The following NHLRC2 variants were observed in gnomAD, a reference collection of about 807,000 sequenced individuals.
NHLRC2 encodes NHL repeat containing 2.
NHLRC2 carries 33 observed loss-of-function variants against 68.1 expected under a neutral mutation model. The observed-to-expected ratio is 0.48, with a 90% CI of 0.37 to 0.65. NHLRC2 has a LOEUF of 0.65. Ranked by LOEUF, NHLRC2 falls within the 30% of genes least tolerant of loss-of-function variation. The pLI is 0.00. For missense variants in NHLRC2, 761 were observed against 853.8 expected (o/e 0.89, Z 1.35); for synonymous variants, 311 against 309.6 (o/e 1.00, Z -0.05).
chr10:113,899,305 G>A (rs1240674295), intron 6 of NHLRC2, among the ~76,000 whole-genome samples: 3 of 152,108 alleles, frequency 2.0e-5, no homozygotes, highest in South Asian at 4.2e-4. Flanking sequence ...GCCGTTAACC[G>A]GAAAGGCTGT....
Position 113,867,317 on chromosome 10 carries a change from TTGTC to T in NHLRC2, c.331+8639_331+8642del, listed in dbSNP as rs1386092644. ...CTTTATATTTTCTTTATTCAGTAGT[TTGTC>T]TATTTATTCTATGTTCTTAAATAAA... is the stretch of plus-strand genomic sequence containing the variant. On this transcript the variant is annotated intron_variant, in intron 2 of 10. Coordinates refer to ENST00000369301, the MANE Select transcript of NHLRC2 (RefSeq NM_198514.4). Among the ~76,000 whole-genome samples, 13 of 152,344 alleles carry T rather than the reference TTGTC, an allele frequency of 8.5e-5. 1 individual carries two copies. In the East Asian group the frequency reaches 2.5e-3, roughly 29 times the overall value.
intron 2 of NHLRC2, among the ~76,000 whole-genome samples, chr10:113,870,387 G>A (rs948570027): frequency 5.9e-5 from 9 of 151,994 alleles, no homozygotes; most frequent in Non-Finnish European, 8.8e-5. Flanking sequence ...AACAAAAGGT[G>A]ACATACTGTA....
intron 2 of NHLRC2, among the ~76,000 whole-genome samples, chr10:113,861,677 A>G (rs1315794097): frequency 2.0e-5 from 3 of 152,242 alleles, no homozygotes; most frequent in Admixed American, 6.5e-5. Flanking sequence ...TTGAAATGAA[A>G]GGACACTAGA....
chr10:113,857,466 A>C (rs953420461), intron 1 of NHLRC2, among the ~76,000 whole-genome samples: 44 of 151,886 alleles, frequency 2.9e-4, no homozygotes, highest in Non-Finnish European at 4.4e-5. Flanking sequence ...TTTTTTCTAG[A>C]ATTTTGTTAT....
At chr10:113,903,108 A>C (rs1846242385) in intron 8 of NHLRC2, among the ~76,000 whole-genome samples, 1 of 152,252 alleles carries the variant, frequency 6.6e-6, no homozygotes. Context: ...AATATAATTG[A>C]GACATAACTG....
At chr10:113,855,121 G>T (rs560954420) in intron 1 of NHLRC2, 71 bp downstream of exon 1, 10 of 1,356,230 alleles carry the variant, frequency 7.4e-6, no homozygotes, top group African/African-American at 7.3e-5. Flanking sequence ...GCCCTCCCGC[G>T]AAGCGGTGGG....
At chr10:113,902,904 T>C (rs948857302) in intron 8 of NHLRC2, among the ~76,000 whole-genome samples, 3 of 152,190 alleles carry the variant, frequency 2.0e-5, no homozygotes, top group African/African-American at 7.2e-5. Flanking sequence ...GCAGGGAAAT[T>C]TATATGTCAT....
At chr10:113,859,121 A>T (rs942138906) in intron 2 of NHLRC2, among the ~76,000 whole-genome samples, 9 of 152,290 alleles carry the variant, frequency 5.9e-5, no homozygotes, top group Middle Eastern at 3.4e-3. Context: ...CTGCAGTGGA[A>T]TGCAAAATAT....
chr10:113,879,625 C>T lies in NHLRC2; in HGVS notation c.839C>T (p.Ser280Phe). 1.3e-6 allele frequency: 2 copies of T among 1,587,828 alleles called. No homozygotes were observed. Among genetic ancestry groups the T allele is most frequent in the Admixed American group, 1.7e-5 (1 of 58,660 alleles). The part of the protein sequence containing the change: ...DGIFSESTFN[S>F]PQGVAIMNNI... ...ATATTTTCAGAATCAACTTTTAATTCTCCACAGGGTGTAGCCATAATGAAT... is the reference window on the plus strand; with the variant it reads ...ATATTTTCAGAATCAACTTTTAATTTTCCACAGGGTGTAGCCATAATGAAT... The change falls in exon 4 of 11, where the codon TCT becomes TTT. Residue 280 changes from serine (S) to phenylalanine (F), a missense_variant. Coordinates refer to ENST00000369301, the MANE Select transcript of NHLRC2 (RefSeq NM_198514.4).
At chr10:113,906,013 T>C (rs1251656519) in intron 10 of NHLRC2, among the ~76,000 whole-genome samples, 1 of 152,154 alleles carries the variant, frequency 6.6e-6, no homozygotes, top group African/African-American at 2.4e-5. Context: ...GACAGAAGAA[T>C]ACTCAAACCC....
Position 113,915,412 on chromosome 10 carries a change from T to C in NHLRC2, c.*6876T>C, listed in dbSNP as rs1846373858. 1.9e-5 allele frequency: 7 copies of C among 364,422 alleles called. No individual in the cohort carries two copies. Among genetic ancestry groups the C allele is most frequent in the Non-Finnish European group, 3.8e-5 (7 of 185,888 alleles). The allele number at this position is 364,422 out of a possible 1,614,324, so 22.6% of individuals were successfully genotyped here. On this transcript the variant is annotated 3_prime_UTR_variant, in exon 11 of 11. Coordinates refer to ENST00000369301, the MANE Select transcript of NHLRC2 (RefSeq NM_198514.4). ...CAACTTACCACAGGCTTGGTGGCTT[T>C]AAGTAATATAGCATTAAGCAAATGG...
chr10:113,877,886 T>C (rs1845999134), intron 3 of NHLRC2, among the ~76,000 whole-genome samples: 2 of 152,148 alleles, frequency 1.3e-5, no homozygotes, highest in Admixed American at 1.3e-4. Flanking sequence ...GGTATTTTGA[T>C]TTATGACAGG....
intron 2 of NHLRC2, among the ~76,000 whole-genome samples, chr10:113,869,556 C>T (rs757966684): frequency 6.6e-6 from 1 of 152,126 alleles, no homozygotes; most frequent in East Asian, 1.9e-4. Flanking sequence ...TCTATCCTTC[C>T]TGCTTCCTCT....
chr10:113,901,939 C>A (rs1456748575), intron 7 of NHLRC2, 42 bp downstream of exon 7: 2 of 1,313,458 alleles, frequency 1.5e-6, no homozygotes, highest in South Asian at 1.2e-5. Flanking sequence ...GGACACTGAG[C>A]AAGCTGTCAA....
At chr10:113,855,131 G>A in intron 1 of NHLRC2, 81 bp downstream of exon 1, 3 of 1,311,734 alleles carry the variant, frequency 2.3e-6, no homozygotes, top group Non-Finnish European at 3.2e-6. Context: ...GAAGCGGTGG[G>A]CTAGGCGGGT....
Position 113,879,586 on chromosome 10 carries a change from G to A in NHLRC2, c.800G>A (p.Gly267Glu), listed in dbSNP as rs758259857. 8.7e-6 allele frequency: 14 copies of A among 1,601,520 alleles called. No individual in the cohort carries two copies. The highest frequency in any genetic ancestry group is 1.7e-5 in the Admixed American group (1 of 58,140). The change falls in exon 4 of 11, where the codon GGA becomes GAA. Residue 267 changes from glycine (G) to glutamate (E), a missense_variant. Physicochemically the swap from Gly to Glu is moderately conservative, Grantham distance 98 (BLOSUM62 -2). Transcript: ENST00000369301. ...TATCTTATTTTAGGACCCAACCCTG[G>A]AAGAAAAGATGGAATATTTTCAGAA... ...IQYSIGGPNP[G>E]RKDGIFSEST... is the part of the protein sequence containing the mutation.
In NHLRC2 at chr10:113,872,359, C is replaced by T. The variant is rs114874211; in HGVS notation, c.332-4162C>T. 2.7e-3 allele frequency among the ~76,000 whole-genome samples: 410 copies of T among 152,158 alleles called. 2 individuals are homozygous for T. Among genetic ancestry groups the T allele is most frequent in the African/African-American group, 9.6e-3 (399 of 41,520 alleles). On this transcript the variant is annotated intron_variant, in intron 2 of 10. Transcript: ENST00000369301. ...AAGGGAACTGTCAGAAGAGGGCACT[C>T]TCAAACTAGGAACCCTATTCGCAAA...
chr10:113,867,422 G>A (rs1424363125), intron 2 of NHLRC2, among the ~76,000 whole-genome samples: 1 of 152,206 alleles, frequency 6.6e-6, no homozygotes, highest in African/African-American at 2.4e-5. Flanking sequence ...ATCAGTGTTT[G>A]ATTGGCTTTC....
In NHLRC2 at chr10:113,915,695, G is replaced by C. The variant is rs946791729; in HGVS notation, c.*7159G>C. The stretch of plus-strand genomic sequence containing the variant: ...GTGTTGCCCAGGCTAGAGTGCAGCA[G>C]TGACATGATCATAGCTCACTGCAGC... On this transcript the variant is annotated 3_prime_UTR_variant, in exon 11 of 11. Coordinates refer to ENST00000369301, the MANE Select transcript of NHLRC2 (RefSeq NM_198514.4). The C allele has an allele frequency of 1.4e-4, 26 of 188,052 alleles. No individual in the cohort carries two copies. The South Asian group carries it at 2.7e-3, about 20-fold the overall frequency. The allele number at this position is 188,052 out of a possible 1,614,324, so 11.6% of individuals were successfully genotyped here. A position where few individuals can be genotyped will look rare whatever the true frequency, so the allele number is the denominator to read the frequency against.
Sources: allele counts gnomAD v4.1 joint callset (sites outside exome capture counted in the v4.1 genomes callset), GRCh38; gene constraint gnomAD v4.1.1; transcripts MANE v1.5; gene names NCBI Gene and HGNC (gene_info 2026-07-23, HGNC 2026-07-21).